The following TACC1 variants were observed in gnomAD, a reference collection of about 807,000 sequenced individuals.
The protein encoded by TACC1 is transforming acidic coiled-coil containing protein 1.
TACC1 carries 48 observed loss-of-function variants against 84.4 expected under a neutral mutation model. The observed-to-expected ratio is 0.57, with a 90% CI of 0.45 to 0.72. The LOEUF (loss-of-function observed/expected upper bound fraction) is 0.72. Ranked by LOEUF, TACC1 falls within the 30% of genes least tolerant of loss-of-function variation. TACC1 has a pLI of 0.00. For missense variants in TACC1, 920 were observed against 973.0 expected (o/e 0.95, Z 0.72); for synonymous variants, 372 against 376.3 (o/e 0.99, Z 0.13).
intron 3 of TACC1, among the ~76,000 whole-genome samples, chr8:38,779,608 G>A (rs1587589606): frequency 6.6e-6 from 1 of 152,184 alleles, no homozygotes; most frequent in Non-Finnish European, 1.5e-5. Flanking sequence ...TTTCAGATTC[G>A]AAAATCAATC....
chr8:38,838,487 T>G lies in TACC1; in HGVS notation c.1857T>G (p.Ile619Met), dbSNP rs763063897. The change falls in exon 8 of 13, where the codon ATT (isoleucine) becomes ATG (methionine). Residue 619 changes from isoleucine to methionine, a missense_variant. Around this residue, in one of 2 missense-constraint regions of TACC1, gnomAD observed 158 missense variants for 225.6 expected, o/e 0.70. Coordinates refer to ENST00000317827, the MANE Select transcript of TACC1 (RefSeq NM_006283.3). ...TACTCTAGATAATTACTAAAGAGAT[T>G]GAAGCAAATGAATGGAAGAAGAAAT... is the stretch of plus-strand genomic sequence containing the variant. Reference protein sequence around the residue: ...LIREEIITKEIEANEWKKKYE... With the variant: ...LIREEIITKEMEANEWKKKYE... 1 of 1,613,628 alleles carries G rather than the reference T, an allele frequency of 6.2e-7. No homozygotes were observed. The highest frequency in any genetic ancestry group is 2.2e-5 in the East Asian group (1 of 44,874).
Position 38,825,224 on chromosome 8 carries a change from C to T in TACC1, c.1392-84C>T, listed in dbSNP as rs1827771084. 2.8e-6 allele frequency: 4 copies of T among 1,435,082 alleles called. No homozygotes were observed. In the Admixed American group the frequency reaches 6.7e-5, roughly 24 times the overall value. 88.9% of individuals were successfully genotyped at this position (1,435,082 alleles called of 1,614,324 possible). ...CTGTATGCTTTGGCTTCTATCCGCA[C>T]ACACTGCTGTCTGCTCCATTTCATA... On this transcript the variant is annotated intron_variant, in intron 3 of 12. Coordinates refer to ENST00000317827, the MANE Select transcript of TACC1 (RefSeq NM_006283.3).
At chr8:38,846,528 A>T in intron 11 of TACC1, 171 bp from the exon 12 acceptor site, 1 of 655,576 alleles carries the variant, frequency 1.5e-6, no homozygotes, top group Non-Finnish European at 2.4e-6. Flanking sequence ...GAATTTTTAT[A>T]AATTAAAATG....
intron 3 of TACC1, among the ~76,000 whole-genome samples, chr8:38,764,130 T>C (rs1811747333): frequency 6.6e-6 from 1 of 152,140 alleles, no homozygotes; most frequent in Non-Finnish European, 1.5e-5. Context: ...CAGGCTGGAG[T>C]GCAATGGTGC....
intron 3 of TACC1, among the ~76,000 whole-genome samples, chr8:38,746,238 A>G (rs1228170579): frequency 6.6e-6 from 1 of 152,250 alleles, no homozygotes; most frequent in African/African-American, 2.4e-5. Flanking sequence ...TCAGCACAGA[A>G]ATGGGACATT....
At chr8:38,803,874 T>C (rs1205509272) in intron 2 of TACC1, among the ~76,000 whole-genome samples, 1 of 152,246 alleles carries the variant, frequency 6.6e-6, no homozygotes, top group East Asian at 1.9e-4. Flanking sequence ...GTAGAATTCA[T>C]CAGTCTGGTC....
intron 8 of TACC1, among the ~76,000 whole-genome samples, chr8:38,839,088 T>G (rs1411116663): frequency 9.2e-5 from 14 of 152,044 alleles, no homozygotes; most frequent in Admixed American, 7.2e-4. Context: ...GAGGTCTCGC[T>G]CTGTTGCCCA....
At chr8:38,773,557 A>C (rs572387591) in intron 3 of TACC1, among the ~76,000 whole-genome samples, 1 of 121,190 alleles carries the variant, frequency 8.3e-6, no homozygotes, top group East Asian at 1.9e-4. Context: ...TTTGTGTAAA[A>C]GTATCTATCT....
chr8:38,773,880 A>G (rs571660415), intron 3 of TACC1, among the ~76,000 whole-genome samples: 1 of 152,366 alleles, frequency 6.6e-6, no homozygotes, highest in South Asian at 2.1e-4. Flanking sequence ...CAACATTTTA[A>G]CAGTGGCTAT....
chr8:38,799,550 C>T (rs1820856941), intron 2 of TACC1: 2 of 152,140 alleles, frequency 1.3e-5, no homozygotes, highest in Admixed American at 1.3e-4. Context: ...AATTCCCCCG[C>T]AAATCTGGAG....
At chr8:38,847,379 G>C (rs1275769356) in intron 12 of TACC1, among the ~76,000 whole-genome samples, 1 of 152,184 alleles carries the variant, frequency 6.6e-6, no homozygotes, top group Non-Finnish European at 1.5e-5. Flanking sequence ...GGGCTGCTTT[G>C]AGAAACTGCT....
At chr8:38,843,073 C>G (rs1248811386) in intron 10 of TACC1, among the ~76,000 whole-genome samples, 1 of 152,142 alleles carries the variant, frequency 6.6e-6, no homozygotes. Flanking sequence ...ATAACTGACC[C>G]TTACTGTATG....
intron 3 of TACC1, among the ~76,000 whole-genome samples, chr8:38,822,236 C>A: frequency 7.9e-6 from 1 of 127,052 alleles, no homozygotes; most frequent in African/African-American, 3.2e-5. Flanking sequence ...CAGAGCAAGA[C>A]CCTGTCTTTA....
At chr8:38,818,864 A>G (rs1826034489) in intron 2 of TACC1, among the ~76,000 whole-genome samples, 1 of 148,690 alleles carries the variant, frequency 6.7e-6, no homozygotes. Flanking sequence ...TGCAGCCTCC[A>G]TCTCCCGGGT....
chr8:38,843,793 T>C (rs1389748546), intron 11 of TACC1, among the ~76,000 whole-genome samples: 1 of 152,232 alleles, frequency 6.6e-6, no homozygotes, highest in Non-Finnish European at 1.5e-5. Context: ...ATTGTTGGAA[T>C]GTATCATTTA....
intron 1 of TACC1, among the ~76,000 whole-genome samples, chr8:38,736,578 T>A (rs775152988): frequency 2.1e-4 from 32 of 152,190 alleles, no homozygotes; most frequent in Admixed American, 5.2e-4. Flanking sequence ...ATTGCACCAC[T>A]GCACTCCAGC....
intron 6 of TACC1, among the ~76,000 whole-genome samples, chr8:38,835,321 GAA>G (rs1187800284): frequency 6.6e-6 from 1 of 152,104 alleles, no homozygotes; most frequent in Non-Finnish European, 1.5e-5. Context: ...TTTTAGGAAG[GAA>G]AATAGTACAA....
chr8:38,758,549 C>T (rs926149658), intron 3 of TACC1, among the ~76,000 whole-genome samples: 2 of 151,700 alleles, frequency 1.3e-5, no homozygotes, highest in South Asian at 2.1e-4. Context: ...CATGGCGGTG[C>T]GAGCCTGTAG....
intron 3 of TACC1, among the ~76,000 whole-genome samples, chr8:38,773,187 G>T (rs903426162): frequency 1.3e-5 from 2 of 151,738 alleles, no homozygotes; most frequent in Non-Finnish European, 2.9e-5. Context: ...TTAGCCTGGC[G>T]TGGTGGCGGG....
Sources: allele counts gnomAD v4.1 joint callset (sites outside exome capture counted in the v4.1 genomes callset), GRCh38; gene constraint gnomAD v4.1.1; regional missense constraint gnomAD v4.1.1; transcripts MANE v1.5; gene names NCBI Gene and HGNC (gene_info 2026-07-23, HGNC 2026-07-21).